SLC16A9: variants seen among roughly 807,000 people sequenced by gnomAD.
SLC16A9 encodes monocarboxylate transporter 9.
SLC16A9 carries 26 observed loss-of-function variants against 44.3 expected under a neutral mutation model. The ratio of observed to expected loss-of-function variants is 0.59; its 90% CI spans 0.43 to 0.81. The LOEUF is 0.81. Among genes scored for constraint, SLC16A9 ranks in the 40% least tolerant of loss-of-function variants. The probability of loss-of-function intolerance (pLI) is 0.00; values close to 1 mark genes in which losing one functional copy is unlikely to be tolerated. For missense variants in SLC16A9, 559 were observed against 595.8 expected, an observed-to-expected ratio of 0.94 and a Z score of 0.64; for synonymous variants, 230 against 225.1, an observed-to-expected ratio of 1.02 and a Z score of -0.19.
chr10:59,695,217 A>T (rs1480465775), intron 1 of SLC16A9, among the ~76,000 whole-genome samples: 1 of 152,072 alleles, frequency 6.6e-6, no homozygotes, highest in Non-Finnish European at 1.5e-5. Context: ...GGGGGTGATG[A>T]AAATGCTCTA....
intron 2 of SLC16A9, 63 bp from the exon 3 acceptor site, chr10:59,672,976 G>T: frequency 1.3e-6 from 2 of 1,493,804 alleles, no homozygotes; most frequent in Non-Finnish European, 1.8e-6. Context: ...AGTTCAAAAT[G>T]ATTCTTTCCA....
intron 1 of SLC16A9, among the ~76,000 whole-genome samples, chr10:59,699,386 A>G (rs557971246): frequency 1.8e-4 from 27 of 146,946 alleles, no homozygotes; most frequent in African/African-American, 6.2e-4. Context: ...ATACGAGTAC[A>G]CACACAGATA....
intron 4 of SLC16A9, among the ~76,000 whole-genome samples, chr10:59,656,689 A>G (rs1839356149): frequency 6.6e-6 from 1 of 152,226 alleles, no homozygotes; most frequent in Non-Finnish European, 1.5e-5. Flanking sequence ...TCCAGGATAC[A>G]TGTGCAGGAC....
Position 59,654,018 on chromosome 10 carries a change from C to T in SLC16A9, c.1008G>A (p.Val336=), listed in dbSNP as rs1212305553. 2 of 1,613,928 alleles carry T rather than the reference C, an allele frequency of 1.2e-6. No individual in the cohort carries two copies. The highest frequency in any genetic ancestry group is 4.5e-5 in the East Asian group (2 of 44,878). ...GTGGCATAATAAACTCTTCTTCTTT[C>T]ACGTTTGAACTTCTTGCTACATCTT... ...LMEDVARSSN[V]KEEEFIMPLI... The change falls in exon 5 of 6, where the codon GTG becomes GTA. Residue 336 remains valine (V), a synonymous_variant. Coordinates refer to ENST00000395348, the MANE Select transcript of SLC16A9 (RefSeq NM_194298.3).
intron 4 of SLC16A9, among the ~76,000 whole-genome samples, chr10:59,660,648 T>C (rs1187299445): frequency 1.3e-5 from 2 of 152,140 alleles, no homozygotes; most frequent in African/African-American, 4.8e-5. Context: ...CCCTAACTCA[T>C]TGTATGAGGC....
intron 2 of SLC16A9, 45 bp downstream of exon 2, chr10:59,684,051 T>C: frequency 6.7e-7 from 1 of 1,502,758 alleles, no homozygotes; most frequent in East Asian, 2.3e-5. Flanking sequence ...GTAAATGTAA[T>C]TAAATGATTA....
chr10:59,669,902 G>A (rs1243392798), intron 3 of SLC16A9, among the ~76,000 whole-genome samples: 1 of 152,074 alleles, frequency 6.6e-6, no homozygotes, highest in Non-Finnish European at 1.5e-5. Context: ...CCTGCAATCT[G>A]ACAAGTTGGT....
rs538077213 is a variant in SLC16A9, at chr10:59,674,596, T to A, written c.197-1683A>T. Among the ~76,000 whole-genome samples the A allele has an allele frequency of 4.1e-4, 62 of 152,332 alleles. 1 individual carries two copies. In the South Asian group the frequency reaches 6.8e-3, roughly 17 times the overall value. On this transcript the variant is annotated intron_variant, in intron 2 of 5. Coordinates refer to ENST00000395348, the MANE Select transcript of SLC16A9 (RefSeq NM_194298.3). ...GTACACCCAATGAGAAATACTTAGATACTTCAAAAATAGAAACAGTTTTAA... is the reference window on the plus strand; with the variant it reads ...GTACACCCAATGAGAAATACTTAGAAACTTCAAAAATAGAAACAGTTTTAA...
intron 5 of SLC16A9, 46 bp downstream of exon 5, chr10:59,653,629 C>G: frequency 6.6e-7 from 1 of 1,518,308 alleles, no homozygotes; most frequent in Non-Finnish European, 8.9e-7. Context: ...GGAGATATGA[C>G]AAGGAAGAAC....
intron 1 of SLC16A9, among the ~76,000 whole-genome samples, chr10:59,688,505 T>A (rs1452645465): frequency 6.6e-6 from 1 of 152,154 alleles, no homozygotes; most frequent in Non-Finnish European, 1.5e-5. Flanking sequence ...AACAGAATTA[T>A]CCAAACTTCC....
chr10:59,666,848 A>G (rs1158792505), intron 3 of SLC16A9, among the ~76,000 whole-genome samples: 1 of 149,554 alleles, frequency 6.7e-6, no homozygotes, highest in Non-Finnish European at 1.5e-5. Context: ...ATTGTTACCA[A>G]TGATAAAATT....
Position 59,653,903 on chromosome 10 carries a change from A to G in SLC16A9, c.1123T>C (p.Tyr375His), listed in dbSNP as rs1351826036. ...CCCATGATGATTAAGGTAGCAACAT[A>G]AAGATACAAGGTATTAATCCACTTG... The part of the protein sequence containing the change: ...DFKWINTLYL[Y>H]VATLIIMGLA... The change falls in exon 5 of 6, where the codon TAT becomes CAT. Residue 375 changes from tyrosine to histidine, a missense_variant. Transcript: ENST00000395348. The G allele has an allele frequency of 6.2e-7, 1 of 1,614,044 alleles. No individual in the cohort carries two copies. Among genetic ancestry groups the G allele is most frequent in the African/African-American group, 1.3e-5 (1 of 74,924 alleles).
chr10:59,693,266 A>G (rs1338669696), intron 1 of SLC16A9, among the ~76,000 whole-genome samples: 1 of 152,220 alleles, frequency 6.6e-6, no homozygotes, highest in Non-Finnish European at 1.5e-5. Context: ...CTCTTTGTTG[A>G]TTGATGTATT....
chr10:59,663,827 A>G (rs1216574627), intron 4 of SLC16A9, among the ~76,000 whole-genome samples: 1 of 152,118 alleles, frequency 6.6e-6, no homozygotes, highest in Non-Finnish European at 1.5e-5. Context: ...GGCAGGAAAA[A>G]ATAGCTTTTT....
chr10:59,680,410 A>G (rs1165192891), intron 2 of SLC16A9, among the ~76,000 whole-genome samples: 1 of 152,190 alleles, frequency 6.6e-6, no homozygotes, highest in East Asian at 1.9e-4. Flanking sequence ...GCAAGGTTCC[A>G]GCTCCCTCTG....
intron 4 of SLC16A9, among the ~76,000 whole-genome samples, chr10:59,663,777 C>T (rs568762041): frequency 8.3e-4 from 126 of 151,870 alleles, no homozygotes; most frequent in Middle Eastern, 3.4e-3. Context: ...TAATAAATAA[C>T]GAGATGGTTT....
rs142544901 is a variant in SLC16A9, at chr10:59,654,573, A to G, written c.453T>C (p.Leu151=). ...TCCTCTGCAGAGCAGCATATATGAA[A>G]AGGCCAACGCTTGAACCTAAAAAGG... ...GLISTGSSVG[L]FIYAALQRML... Residue 151 remains leucine (L), a synonymous_variant, in exon 5 of 6, where the codon CTT becomes CTC. Coordinates refer to ENST00000395348, the MANE Select transcript of SLC16A9 (RefSeq NM_194298.3). The G allele has an allele frequency of 6.3e-7, 1 of 1,588,220 alleles. No homozygotes were observed. Among genetic ancestry groups the G allele is most frequent in the Non-Finnish European group, 8.5e-7 (1 of 1,172,528 alleles).
At chr10:59,655,373 T>A (rs1431428860) in intron 4 of SLC16A9, among the ~76,000 whole-genome samples, 2 of 152,208 alleles carry the variant, frequency 1.3e-5, no homozygotes, top group Non-Finnish European at 1.5e-5. Flanking sequence ...TGTGCCAGGC[T>A]CCATGCTACA....
Position 59,654,071 on chromosome 10 carries a change from C to T in SLC16A9, c.955G>A (p.Gly319Arg), listed in dbSNP as rs761027162. 16 of 1,613,992 alleles carry T rather than the reference C, an allele frequency of 9.9e-6. No individual in the cohort carries two copies. Among genetic ancestry groups the T allele is most frequent in the African/African-American group, 8.0e-5 (6 of 75,006 alleles). ...LFIAILLFDIGGFPPSLLMED... is the reference protein window; with the variant it reads ...LFIAILLFDIRGFPPSLLMED... ...ATAAGTAATGAAGGTGGAAACCCTC[C>T]GATGTCAAAGAGTAAGATAGCAATG... Residue 319 changes from glycine (G) to arginine (R), a missense_variant, in exon 5 of 6, where the codon GGA (glycine) becomes AGA (arginine). Physicochemically the swap from Gly to Arg is moderately radical, Grantham distance 125 (BLOSUM62 -2). Transcript: ENST00000395348.
Sources: gnomAD v4.1 joint callset for allele counts (sites outside exome capture counted in the v4.1 genomes callset) on GRCh38, gnomAD v4.1.1 for gene constraint, MANE v1.5 for transcripts, NCBI Gene and HGNC (gene_info 2026-07-23, HGNC 2026-07-21) for gene names.